Variants in DNAH7 observed in about 807,000 individuals in gnomAD.
DNAH7 encodes the protein axonemal beta dynein heavy chain 7.
DNAH7 carries 397 observed loss-of-function variants against 444.6 expected under a neutral mutation model. The observed-to-expected ratio is 0.89, with a 90% CI of 0.82 to 0.97. The LOEUF (loss-of-function observed/expected upper bound fraction) is 0.97, where lower values mean the gene tolerates loss of function less well. Ranked by LOEUF, DNAH7 falls within the 50% of genes least tolerant of loss-of-function variation. The pLI, the probability that DNAH7 is intolerant of heterozygous loss-of-function variation, is 0.00. For missense variants in DNAH7, 4,902 were observed against 4,800.8 expected (o/e 1.02, Z -0.62); for synonymous variants, 1,636 against 1,624.4 (o/e 1.01, Z -0.17).
intron 5 of DNAH7, among the ~76,000 whole-genome samples, chr2:196,029,661 T>C (rs1223047141): frequency 2.6e-5 from 4 of 152,120 alleles, no homozygotes; most frequent in Non-Finnish European, 4.4e-5. Flanking sequence ...AGAAAGTGAA[T>C]GTCAGAGAGG....
At position 195,771,230 on chromosome 2, in the gene DNAH7, C is replaced by T. The variant is rs1441303199; in HGVS notation, c.11433+430G>A. 6.6e-5 allele frequency among the ~76,000 whole-genome samples: 10 copies of T among 152,024 alleles called. 1 individual carries two copies. The East Asian group carries it at 1.9e-3, about 29-fold the overall frequency. On this transcript the variant is annotated intron_variant, in intron 61 of 64. Coordinates refer to ENST00000312428, the MANE Select transcript of DNAH7 (RefSeq NM_018897.3). Reference sequence around the variant, plus strand: ...TGGCTCACACCTCTAATCTAAGCTACTCAGGAAGGTTAGGCAAAGGAATCC... The same window carrying T: ...TGGCTCACACCTCTAATCTAAGCTATTCAGGAAGGTTAGGCAAAGGAATCC...
intron 36 of DNAH7, among the ~76,000 whole-genome samples, chr2:195,879,236 C>T (rs907373947): frequency 2.0e-5 from 3 of 151,838 alleles, no homozygotes; most frequent in Non-Finnish European, 2.9e-5. Flanking sequence ...AAAAATGCAG[C>T]GACACGCTGA....
intron 61 of DNAH7, among the ~76,000 whole-genome samples, chr2:195,766,732 G>A (rs1034654960): frequency 2.0e-5 from 3 of 152,064 alleles, no homozygotes; most frequent in Non-Finnish European, 2.9e-5. Context: ...TGAGGTGATC[G>A]ATACCCCATT....
At chr2:195,964,789 T>G (rs1248483336) in intron 17 of DNAH7, among the ~76,000 whole-genome samples, 1 of 150,138 alleles carries the variant, frequency 6.7e-6, no homozygotes, top group Non-Finnish European at 1.5e-5. Context: ...GGCAGAAGAA[T>G]CGCTTGAACC....
chr2:195,808,189 G>A (rs1043370050), intron 53 of DNAH7, among the ~76,000 whole-genome samples: 1 of 152,142 alleles, frequency 6.6e-6, no homozygotes, highest in Non-Finnish European at 1.5e-5. Flanking sequence ...TATCCCAGAT[G>A]GGAAACTGTG....
chr2:195,913,601 G>C (rs957751640), intron 24 of DNAH7, among the ~76,000 whole-genome samples: 2 of 152,236 alleles, frequency 1.3e-5, no homozygotes, highest in African/African-American at 2.4e-5. Context: ...TTGGTAGTCA[G>C]TCAAAGAATA....
chr2:196,017,288 C>G (rs758864505), intron 9 of DNAH7, among the ~76,000 whole-genome samples: 2 of 152,176 alleles, frequency 1.3e-5, no homozygotes, highest in Admixed American at 1.3e-4. Context: ...GCTGGAAGTA[C>G]GGGCGTGAGC....
chr2:195,808,541 G>A, intron 53 of DNAH7, 141 bp downstream of exon 53: 1 of 874,426 alleles, frequency 1.1e-6, no homozygotes, highest in Non-Finnish European at 1.7e-6. Context: ...CTTAGAAGGG[G>A]GGATAACATA....
At chr2:195,786,691 G>A (rs1695640651) in intron 58 of DNAH7, among the ~76,000 whole-genome samples, 1 of 151,080 alleles carries the variant, frequency 6.6e-6, no homozygotes, top group South Asian at 2.1e-4. Flanking sequence ...TTTACATTTT[G>A]GAACCTGGTT....
chr2:195,840,031 A>G (rs763013965), intron 47 of DNAH7, among the ~76,000 whole-genome samples: 6 of 151,808 alleles, frequency 4.0e-5, no homozygotes, highest in Non-Finnish European at 7.4e-5. Context: ...TTACTCTGAA[A>G]GCAAAACCAT....
At position 195,824,305 on chromosome 2, in the gene DNAH7, T is replaced by C. The variant is rs1192826142; in HGVS notation, c.9241A>G (p.Ile3081Val). 4.3e-6 allele frequency: 7 copies of C among 1,613,708 alleles called. No homozygotes were observed. Among genetic ancestry groups the C allele is most frequent in the Middle Eastern group, 3.3e-4 (2 of 6,082 alleles). The change falls in exon 49 of 65, where the codon ATT (isoleucine) becomes GTT (valine). Residue 3081 changes from isoleucine to valine, a missense_variant. Coordinates refer to ENST00000312428, the MANE Select transcript of DNAH7 (RefSeq NM_018897.3). Reference sequence around the variant, plus strand: ...TGAGGATTTCTTAACTTGGTAGTAATATAGAAGCGGAAGTCAGGTGCATAT... The same window carrying C: ...TGAGGATTTCTTAACTTGGTAGTAACATAGAAGCGGAAGTCAGGTGCATAT... ...IEYAPDFRFY[I>V]TTKLRNPHYL... is the part of the protein sequence containing the mutation.
chr2:196,045,415 TAA>T (rs1188355311), intron 5 of DNAH7, among the ~76,000 whole-genome samples: 1 of 151,736 alleles, frequency 6.6e-6, no homozygotes, highest in Non-Finnish European at 1.5e-5. Flanking sequence ...AGCAAACTAC[TAA>T]GAGACAAACT....
chr2:195,794,446 T>C lies in DNAH7; in HGVS notation c.10608A>G (p.Gly3536=). The C allele has an allele frequency of 6.2e-7, 1 of 1,614,148 alleles. No homozygotes were observed. Among genetic ancestry groups the C allele is most frequent in the Non-Finnish European group, 8.5e-7 (1 of 1,180,008 alleles). ...TTGGTGCTTCATTGGTCATTTTCAC[T>C]CCATTCTGCAGTACTGACACAGGGA... The part of the protein sequence containing the change: ...PNFPVSVLQN[G]VKMTNEAPKG... The change falls in exon 57 of 65, where the codon GGA becomes GGG. Residue 3536 remains glycine, a synonymous_variant. Transcript: ENST00000312428.
rs747733008 is a variant in DNAH7, at chr2:195,900,437, C to T, written c.4393G>A (p.Val1465Ile). ...VPDYAMIAEI[V>I]LYSCGFVTAR... is the part of the protein sequence containing the mutation. Reference sequence around the variant, plus strand: ...GTGACAAACCCACAGGAGTATAGGACTATTTCAGCAATCATGGCATAGTCA... The same window carrying T: ...GTGACAAACCCACAGGAGTATAGGATTATTTCAGCAATCATGGCATAGTCA... Residue 1465 changes from valine to isoleucine, a missense_variant, in exon 28 of 65, where the codon GTC (valine) becomes ATC (isoleucine). Transcript: ENST00000312428. 1 of 1,613,962 alleles carries T rather than the reference C, an allele frequency of 6.2e-7. No homozygotes were observed. Among genetic ancestry groups the T allele is most frequent in the South Asian group, 1.1e-5 (1 of 91,084 alleles).
At chr2:195,909,212 C>T (rs1274496443) in intron 25 of DNAH7, among the ~76,000 whole-genome samples, 1 of 151,988 alleles carries the variant, frequency 6.6e-6, no homozygotes, top group Admixed American at 6.6e-5. Flanking sequence ...TGTAACAAAC[C>T]TGCACCTGTA....
intron 2 of DNAH7, among the ~76,000 whole-genome samples, chr2:196,054,894 T>A (rs1468005049): frequency 6.6e-6 from 1 of 152,230 alleles, no homozygotes; most frequent in East Asian, 1.9e-4. Context: ...TCCACGATGT[T>A]TGTAAGTTTC....
chr2:196,038,984 T>C (rs981286305), intron 5 of DNAH7, among the ~76,000 whole-genome samples: 3 of 152,052 alleles, frequency 2.0e-5, no homozygotes. Context: ...AGACAGTAAA[T>C]CAACAAAGAA....
At chr2:195,842,764 A>G (rs1698761833) in intron 47 of DNAH7, among the ~76,000 whole-genome samples, 1 of 152,182 alleles carries the variant, frequency 6.6e-6, no homozygotes, top group African/African-American at 2.4e-5. Context: ...TGAATGGTTT[A>G]GAATCTTATA....
At chr2:196,008,085 A>G (rs1408539382) in intron 10 of DNAH7, among the ~76,000 whole-genome samples, 1 of 152,142 alleles carries the variant, frequency 6.6e-6, no homozygotes, top group African/African-American at 2.4e-5. Flanking sequence ...TTACATGTCA[A>G]AAATAAAAAT....
Sources: gnomAD v4.1 joint callset for allele counts (sites outside exome capture counted in the v4.1 genomes callset) on GRCh38, gnomAD v4.1.1 for gene constraint, MANE v1.5 for transcripts, NCBI Gene and HGNC (gene_info 2026-07-23, HGNC 2026-07-21) for gene names.